BNIP2: variants seen among roughly 807,000 people sequenced by gnomAD.
The protein encoded by BNIP2 is BCL2 interacting protein 2.
A neutral mutation model predicts 43.4 loss-of-function variants in BNIP2; 36 were observed. That is an observed-to-expected ratio of 0.83 (90% CI 0.64 to 1.10). The LOEUF is 1.10. BNIP2 is among the 50% of genes least tolerant of loss of function. BNIP2 has a pLI of 0.00. For synonymous variants in BNIP2, 146 were observed against 121.0 expected (o/e 1.21, Z -1.35); for missense variants, 417 against 374.1 (o/e 1.11, Z -0.95).
chr15:59,679,838 A>G (rs1213616662), intron 3 of BNIP2, 70 bp from the exon 4 acceptor site: 1 of 1,269,282 alleles, frequency 7.9e-7, no homozygotes, highest in Non-Finnish European at 1.0e-6. Context: ...AATAAGAAAA[A>G]TTTTAACTAC....
intron 2 of BNIP2, 129 bp from the exon 3 acceptor site, chr15:59,680,437 T>C (rs1893596573): frequency 1.5e-6 from 1 of 671,414 alleles, no homozygotes. Flanking sequence ...GTTGTTGTTT[T>C]TGAGACAGGG....
At chr15:59,680,200 A>C in intron 3 of BNIP2, 41 bp downstream of exon 3, 2 of 1,402,936 alleles carry the variant, frequency 1.4e-6, no homozygotes, top group African/African-American at 1.5e-5. Context: ...AAAATAACAC[A>C]AAGTCCATAA....
At chr15:59,675,038 C>T (rs1472807827) in intron 5 of BNIP2, among the ~76,000 whole-genome samples, 1 of 151,538 alleles carries the variant, frequency 6.6e-6, no homozygotes, top group Non-Finnish European at 1.5e-5. Context: ...ATCACAAGGT[C>T]AGGAGTTCGA....
chr15:59,689,206 C>A lies in BNIP2; in HGVS notation c.-129G>T, dbSNP rs1326805790. On this transcript the variant is annotated 5_prime_UTR_variant, in exon 1 of 10. Transcript: ENST00000607373. ...GGCGACGTGGGGCTGACGGCCAGGTCGCAAAAAGCAGGGCCGAGCGGAGCC... is the reference window on the plus strand; with the variant it reads ...GGCGACGTGGGGCTGACGGCCAGGTAGCAAAAAGCAGGGCCGAGCGGAGCC... 2 of 1,540,078 alleles carry A rather than the reference C, an allele frequency of 1.3e-6. No homozygotes were observed.
In BNIP2 at chr15:59,677,143, T is replaced by A. The variant is rs1184615549; in HGVS notation, c.472+768A>T. On this transcript the variant is annotated intron_variant, in intron 5 of 9. Transcript: ENST00000607373. ...ATTGTCATCAATGAGGCTATTTACA[T>A]GCAGAAGGTGATTTACTACCTCTGC... is the stretch of plus-strand genomic sequence containing the variant. The A allele has an allele frequency of 2.5e-6, 4 of 1,598,904 alleles. No individual in the cohort carries two copies. The African/African-American group carries it at 5.4e-5, about 21-fold the overall frequency.
At chr15:59,684,992 T>G (rs2142021089) in intron 1 of BNIP2, among the ~76,000 whole-genome samples, 1 of 152,332 alleles carries the variant, frequency 6.6e-6, no homozygotes, top group East Asian at 1.9e-4. Flanking sequence ...TAGGCTTATT[T>G]TGCTTATTAA....
chr15:59,688,977 C>T (rs913593835), intron 1 of BNIP2, 158 bp downstream of exon 1: 1 of 1,441,738 alleles, frequency 6.9e-7, no homozygotes, highest in Non-Finnish European at 9.1e-7. Context: ...CAGGAAGCAC[C>T]TCCCGAGCAG....
At position 59,659,294 on chromosome 15, in the gene BNIP2, A is replaced by G. The variant is rs942106292; in HGVS notation, c.*4775T>C. Reference sequence around the variant, plus strand: ...ACCAACTCTGGTATTTCTTACAGGGACCACATTAATATCTTGCACACACAG... The same window carrying G: ...ACCAACTCTGGTATTTCTTACAGGGGCCACATTAATATCTTGCACACACAG... On this transcript the variant is annotated 3_prime_UTR_variant, in exon 10 of 10. Coordinates refer to ENST00000607373, the MANE Select transcript of BNIP2 (RefSeq NM_004330.4). 9.2e-5 allele frequency: 14 copies of G among 152,224 alleles called. No homozygotes were observed. The highest frequency in any genetic ancestry group is 3.4e-4 in the African/African-American group (14 of 41,454). The allele number at this position is 152,224 out of a possible 1,614,324, so 9.4% of individuals were successfully genotyped here. A position where few individuals can be genotyped will look rare whatever the true frequency, so the allele number is the denominator to read the frequency against.
At chr15:59,667,163 G>A (rs1892617128) in intron 9 of BNIP2, among the ~76,000 whole-genome samples, 1 of 152,220 alleles carries the variant, frequency 6.6e-6, no homozygotes, top group Admixed American at 6.5e-5. Context: ...AAACTGTGAA[G>A]TGTCATATAG....
intron 1 of BNIP2, among the ~76,000 whole-genome samples, chr15:59,687,852 T>G (rs1487986025): frequency 1.3e-5 from 2 of 151,916 alleles, no homozygotes; most frequent in Non-Finnish European, 2.9e-5. Context: ...ACACTTGTGT[T>G]ATCATCATTT....
chr15:59,683,444 G>GTTCTT (rs1301283459), intron 1 of BNIP2, among the ~76,000 whole-genome samples: 2 of 152,190 alleles, frequency 1.3e-5, no homozygotes, highest in Admixed American at 6.5e-5. Flanking sequence ...ACATATTTCT[G>GTTCTT]TTCTTTTCTT....
intron 1 of BNIP2, among the ~76,000 whole-genome samples, chr15:59,686,960 T>A (rs1377240807): frequency 6.6e-6 from 1 of 152,176 alleles, no homozygotes; most frequent in Non-Finnish European, 1.5e-5. Context: ...GAGGTTGCAG[T>A]GAGCCGAGAT....
At chr15:59,673,781 A>G (rs1893086598) in intron 5 of BNIP2, among the ~76,000 whole-genome samples, 1 of 152,110 alleles carries the variant, frequency 6.6e-6, no homozygotes, top group African/African-American at 2.4e-5. Flanking sequence ...CATTTTGTAG[A>G]AATTAGGACA....
intron 6 of BNIP2, chr15:59,672,339 T>C: frequency 4.6e-6 from 1 of 216,266 alleles, no homozygotes; most frequent in Non-Finnish European, 9.1e-6. Context: ...AGTGGCAAAA[T>C]CACAGTTCAC....
intron 3 of BNIP2, 148 bp from the exon 4 acceptor site, chr15:59,679,916 T>A: frequency 1.4e-6 from 1 of 740,656 alleles, no homozygotes; most frequent in South Asian, 2.2e-5. Context: ...AAATTTTTAT[T>A]CTGATCATTA....
intron 1 of BNIP2, among the ~76,000 whole-genome samples, chr15:59,683,542 C>T (rs1477026985): frequency 2.0e-5 from 3 of 152,188 alleles, no homozygotes; most frequent in African/African-American, 4.8e-5. Flanking sequence ...CTAGGCCGGG[C>T]GCGGTGGCTC....
chr15:59,660,001 T>G lies in BNIP2; in HGVS notation c.*4068A>C, dbSNP rs1401432478. On this transcript the variant is annotated 3_prime_UTR_variant, in exon 10 of 10. Coordinates refer to ENST00000607373, the MANE Select transcript of BNIP2 (RefSeq NM_004330.4). The stretch of plus-strand genomic sequence containing the variant: ...CTGGGTCTCACCATTGATCTGATTC[T>G]AAGTTCATTCAGAATTTCAAGAAGG... 6.6e-6 allele frequency: 1 copy of G among 152,232 alleles called. No homozygotes were observed. Among genetic ancestry groups the G allele is most frequent in the African/African-American group, 2.4e-5 (1 of 41,460 alleles). The allele number at this position is 152,232 out of a possible 1,614,324, so 9.4% of individuals were successfully genotyped here. A position where few individuals can be genotyped will look rare whatever the true frequency, so the allele number is the denominator to read the frequency against.
intron 1 of BNIP2, among the ~76,000 whole-genome samples, chr15:59,682,869 T>C (rs1406527525): frequency 6.6e-6 from 1 of 152,188 alleles, no homozygotes; most frequent in African/African-American, 2.4e-5. Flanking sequence ...TATTACAGAC[T>C]CATAATTAAA....
intron 1 of BNIP2, chr15:59,688,648 G>C (rs1201164202): frequency 1.1e-5 from 16 of 1,456,860 alleles, no homozygotes; most frequent in South Asian, 4.9e-5. Context: ...CTCTGTATTT[G>C]GTTTAGCGTA....
Sources: allele counts gnomAD v4.1 joint callset (sites outside exome capture counted in the v4.1 genomes callset), GRCh38; gene constraint gnomAD v4.1.1; transcripts MANE v1.5; gene names NCBI Gene and HGNC (gene_info 2026-07-23, HGNC 2026-07-21).